Variants in NPHP1 observed in about 807,000 individuals in gnomAD.
NPHP1 encodes the protein nephrocystin 1.
NPHP1 carries 70 observed loss-of-function variants against 90.4 expected under a neutral mutation model. The ratio of observed to expected loss-of-function variants is 0.77; its 90% confidence interval spans 0.64 to 0.95. The LOEUF is 0.95. Ranked by LOEUF, NPHP1 falls within the 40% of genes least tolerant of loss-of-function variation. The probability of loss-of-function intolerance (pLI) is 0.00; values close to 1 mark genes in which losing one functional copy is unlikely to be tolerated. For synonymous variants in NPHP1, 256 were observed against 271.7 expected, an observed-to-expected ratio of 0.94 and a Z score of 0.57; for missense variants, 764 against 795.9, an observed-to-expected ratio of 0.96 and a Z score of 0.48.
At chr2:110,164,765 G>A (rs1418460805) in intron 7 of NPHP1, 35 bp from the exon 8 acceptor site, 28 of 1,543,422 alleles carry the variant, frequency 1.8e-5, no homozygotes, top group Non-Finnish European at 2.4e-5. Context: ...AGTCAGGTCA[G>A]GTTATGCCTA....
intron 19 of NPHP1, chr2:110,124,559 G>T: frequency 4.5e-6 from 1 of 224,446 alleles, no homozygotes; most frequent in Non-Finnish European, 9.0e-6. Context: ...GGGGTCCTTT[G>T]GTGATGAGGA....
chr2:110,204,637 G>A (rs1340826825), intron 1 of NPHP1, among the ~76,000 whole-genome samples: 2 of 152,124 alleles, frequency 1.3e-5, no homozygotes, highest in African/African-American at 4.8e-5. Flanking sequence ...GGGAGTGAGG[G>A]TCGGAGGAGG....
chr2:110,184,922 A>C, intron 2 of NPHP1: 1 of 683,334 alleles, frequency 1.5e-6, no homozygotes. Context: ...GGTGTTCGCC[A>C]TCCAGAAGTC....
chr2:110,141,726 A>C (rs1230657606), intron 16 of NPHP1, among the ~76,000 whole-genome samples: 1 of 151,986 alleles, frequency 6.6e-6, no homozygotes, highest in Non-Finnish European at 1.5e-5. Flanking sequence ...TAATCCTAGC[A>C]CTTTGGGAGG....
chr2:110,123,968 C>A lies in NPHP1; in HGVS notation c.1857G>T (p.Trp619Cys). The A allele has an allele frequency of 6.2e-7, 1 of 1,614,084 alleles. No homozygotes were observed. The highest frequency in any genetic ancestry group is 8.5e-7 in the Non-Finnish European group (1 of 1,179,978). The change falls in exon 20 of 20, where the codon TGG (tryptophan) becomes TGT (cysteine). Residue 619 changes from tryptophan to cysteine, a missense_variant. Trp to Cys is a radical substitution (Grantham distance 215, BLOSUM62 -2). Transcript: ENST00000445609. The stretch of plus-strand genomic sequence containing the variant: ...GTGCAGTCTCAGTCTCTTCTTCTGC[C>A]CACCTGAATGGGGGTAGGCGTGTGG... The part of the protein sequence containing the change: ...LHSTRLPPFR[W>C]AEEETETARW...
chr2:110,184,673 C>G, intron 2 of NPHP1: 1 of 753,496 alleles, frequency 1.3e-6, no homozygotes, highest in Non-Finnish European at 2.4e-6. Flanking sequence ...ATGATTTCCA[C>G]TCATCGTTTG....
intron 4 of NPHP1, among the ~76,000 whole-genome samples, chr2:110,177,664 T>C (rs1286306771): frequency 6.6e-6 from 1 of 152,154 alleles, no homozygotes; most frequent in Non-Finnish European, 1.5e-5. Flanking sequence ...TCAACTTGTA[T>C]ATGTAAGTCT....
chr2:110,183,438 G>A (rs1346669396), intron 2 of NPHP1, among the ~76,000 whole-genome samples: 3 of 152,184 alleles, frequency 2.0e-5, no homozygotes, highest in African/African-American at 7.2e-5. Context: ...AATACTTTTA[G>A]TAAATCTATA....
At chr2:110,185,907 A>G (rs1011552942) in intron 2 of NPHP1, among the ~76,000 whole-genome samples, 6 of 152,132 alleles carry the variant, frequency 3.9e-5, no homozygotes, top group South Asian at 4.1e-4. Context: ...GGGAGAGTTT[A>G]AGGTGCCTGC....
At chr2:110,204,826 G>C (rs1685826262) in intron 1 of NPHP1, 74 bp downstream of exon 1, 1 of 1,497,556 alleles carries the variant, frequency 6.7e-7, no homozygotes, top group African/African-American at 1.4e-5. Context: ...TGGGGTCACG[G>C]TGGGAAGGCG....
chr2:110,128,949 A>C (rs1679568577), intron 18 of NPHP1: 1 of 533,062 alleles, frequency 1.9e-6, no homozygotes, highest in Admixed American at 3.3e-5. Context: ...AAAATGGGCA[A>C]AGATTGCAAT....
chr2:110,138,055 C>T (rs1680343109), intron 16 of NPHP1, among the ~76,000 whole-genome samples: 1 of 151,762 alleles, frequency 6.6e-6, no homozygotes, highest in Admixed American at 6.6e-5. Context: ...AACCATCATT[C>T]TCAGCAAACT....
chr2:110,134,619 T>C (rs2104447388), intron 16 of NPHP1, among the ~76,000 whole-genome samples: 1 of 151,318 alleles, frequency 6.6e-6, no homozygotes, highest in Non-Finnish European at 1.5e-5. Flanking sequence ...CAACAGCACA[T>C]TAAAAAGCTT....
chr2:110,178,566 C>T lies in NPHP1; in HGVS notation c.205-19G>A, dbSNP rs777389474. The T allele has an allele frequency of 2.5e-6, 4 of 1,581,258 alleles. No individual in the cohort carries two copies. Among genetic ancestry groups the T allele is most frequent in the East Asian group, 2.2e-5 (1 of 44,620 alleles). On this transcript the variant is annotated intron_variant, in intron 3 of 19. Coordinates refer to ENST00000445609, the MANE Select transcript of NPHP1 (RefSeq NM_001128178.3). ...CATCAGCCTATGAGAGAATATAGGTCTATTTCACTAAAAAATTAATTTCAG... is the reference window on the plus strand; with the variant it reads ...CATCAGCCTATGAGAGAATATAGGTTTATTTCACTAAAAAATTAATTTCAG...
At chr2:110,153,652 T>G (rs1187761775) in intron 11 of NPHP1, among the ~76,000 whole-genome samples, 1 of 152,072 alleles carries the variant, frequency 6.6e-6, no homozygotes, top group African/African-American at 2.4e-5. Context: ...GATACACTCA[T>G]CAACACTACA....
At chr2:110,192,800 G>A (rs1478215686) in intron 2 of NPHP1, among the ~76,000 whole-genome samples, 1 of 152,184 alleles carries the variant, frequency 6.6e-6, no homozygotes, top group African/African-American at 2.4e-5. Flanking sequence ...CAGACTAACA[G>A]CTGACCTCTC....
chr2:110,133,558 A>C (rs1302526074), intron 16 of NPHP1, among the ~76,000 whole-genome samples: 1 of 152,108 alleles, frequency 6.6e-6, no homozygotes, highest in Non-Finnish European at 1.5e-5. Context: ...AAAACACTCT[A>C]CCCGGCAACA....
chr2:110,190,663 G>A (rs951479650), intron 2 of NPHP1, among the ~76,000 whole-genome samples: 1 of 152,186 alleles, frequency 6.6e-6, no homozygotes, highest in African/African-American at 2.4e-5. Context: ...CAGGCTGAAG[G>A]GCTCCTCAAG....
intron 2 of NPHP1, among the ~76,000 whole-genome samples, chr2:110,183,096 C>T (rs1170380877): frequency 6.6e-6 from 1 of 152,160 alleles, no homozygotes; most frequent in African/African-American, 2.4e-5. Flanking sequence ...GAAGAGCTAT[C>T]CTAAATACAT....
Sources: allele counts gnomAD v4.1 joint callset (sites outside exome capture counted in the v4.1 genomes callset), GRCh38; gene constraint gnomAD v4.1.1; transcripts MANE v1.5; gene names NCBI Gene and HGNC (gene_info 2026-07-23, HGNC 2026-07-21).